OPCML: variants seen among roughly 807,000 people sequenced by gnomAD.
OPCML encodes the protein opioid binding protein/cell adhesion molecule like.
A neutral mutation model predicts 37.8 loss-of-function variants in OPCML; 13 were observed. The ratio of observed to expected loss-of-function variants is 0.34; its 90% CI spans 0.22 to 0.55. The LOEUF (loss-of-function observed/expected upper bound fraction) is 0.55, where lower values mean the gene tolerates loss of function less well. Ranked by LOEUF, OPCML falls within the 20% of genes least tolerant of loss-of-function variation. OPCML has a pLI of 0.91. For missense variants in OPCML, 341 were observed against 435.6 expected (o/e 0.78, Z 1.93); for synonymous variants, 176 against 168.8 (o/e 1.04, Z -0.33).
chr11:133,473,167 T>C (rs542106436), intron 1 of OPCML, among the ~76,000 whole-genome samples: 1 of 152,012 alleles, frequency 6.6e-6, no homozygotes, highest in South Asian at 2.1e-4. Flanking sequence ...AACTTGACTT[T>C]GACCTCCCCC....
intron 1 of OPCML, among the ~76,000 whole-genome samples, chr11:133,447,679 T>A (rs1027766015): frequency 6.6e-6 from 1 of 152,240 alleles, no homozygotes; most frequent in South Asian, 2.1e-4. Context: ...GCTGCATCCA[T>A]GTTGCTGCAA....
At chr11:133,010,238 G>A (rs1947190500) in intron 1 of OPCML, among the ~76,000 whole-genome samples, 1 of 152,150 alleles carries the variant, frequency 6.6e-6, no homozygotes, top group African/African-American at 2.4e-5. Flanking sequence ...TGCTCTTGCT[G>A]TGGCAATCTA....
At chr11:132,448,219 T>C (rs1302904049) in intron 4 of OPCML, among the ~76,000 whole-genome samples, 6 of 152,252 alleles carry the variant, frequency 3.9e-5, no homozygotes, top group African/African-American at 1.4e-4. Flanking sequence ...TCTCTTTCTT[T>C]CCTTTTATTT....
intron 1 of OPCML, among the ~76,000 whole-genome samples, chr11:132,955,793 A>G (rs1034087838): frequency 6.6e-6 from 1 of 152,082 alleles, no homozygotes; most frequent in Non-Finnish European, 1.5e-5. Flanking sequence ...AAGGCAGGAG[A>G]ATCGCTTGAA....
At chr11:132,793,110 C>T (rs544025054) in intron 2 of OPCML, among the ~76,000 whole-genome samples, 6 of 152,168 alleles carry the variant, frequency 3.9e-5, no homozygotes, top group African/African-American at 1.4e-4. Flanking sequence ...TCCTCCTAGA[C>T]AGATGGGCCC....
chr11:132,861,267 G>A (rs1001625075), intron 2 of OPCML, among the ~76,000 whole-genome samples: 1 of 152,202 alleles, frequency 6.6e-6, no homozygotes, highest in African/African-American at 2.4e-5. Flanking sequence ...CTTTAGAAGG[G>A]CTAGGCGCTT....
At chr11:133,391,110 G>A (rs934409017) in intron 1 of OPCML, among the ~76,000 whole-genome samples, 1 of 152,214 alleles carries the variant, frequency 6.6e-6, no homozygotes, top group Admixed American at 6.5e-5. Context: ...GGGAAAGAAA[G>A]GTCAAGCTGC....
intron 1 of OPCML, among the ~76,000 whole-genome samples, chr11:133,139,462 A>T (rs760439843): frequency 6.6e-6 from 1 of 152,224 alleles, no homozygotes; most frequent in Non-Finnish European, 1.5e-5. Flanking sequence ...AAGTGGTGAA[A>T]CTGGAATTTG....
Position 132,712,689 on chromosome 11 carries a change from G to A in OPCML, c.147-55370C>T, listed in dbSNP as rs536488108. 1.7e-4 allele frequency among the ~76,000 whole-genome samples: 26 copies of A among 152,266 alleles called. No homozygotes were observed. In the South Asian group the frequency reaches 5.2e-3, roughly 30 times the overall value. On this transcript the variant is annotated intron_variant, in intron 2 of 7. Coordinates refer to ENST00000524381, the MANE Select transcript of OPCML (RefSeq NM_001012393.5). ...GCGTGGCCTTCCAATTCATCTCTGAGCTGCCGCTTCCCACTCAGCATGAAA... is the reference window on the plus strand; with the variant it reads ...GCGTGGCCTTCCAATTCATCTCTGAACTGCCGCTTCCCACTCAGCATGAAA...
At chr11:133,339,634 G>A (rs897830551) in intron 1 of OPCML, among the ~76,000 whole-genome samples, 8 of 152,068 alleles carry the variant, frequency 5.3e-5, no homozygotes, top group South Asian at 2.1e-4. Flanking sequence ...CTCAAAAGCC[G>A]GCTGAAGTCC....
At chr11:132,681,846 T>C (rs762414790) in intron 2 of OPCML, among the ~76,000 whole-genome samples, 2 of 151,726 alleles carry the variant, frequency 1.3e-5, no homozygotes, top group Non-Finnish European at 2.9e-5. Context: ...TCCCAGCTAC[T>C]CAGGAGGCTG....
At chr11:132,793,226 G>A (rs1045310449) in intron 2 of OPCML, among the ~76,000 whole-genome samples, 1 of 152,136 alleles carries the variant, frequency 6.6e-6, no homozygotes, top group Non-Finnish European at 1.5e-5. Flanking sequence ...CCCAGTAGAT[G>A]AGCCTGTGGT....
At chr11:132,526,289 C>T (rs968446191) in intron 4 of OPCML, among the ~76,000 whole-genome samples, 21 of 151,932 alleles carry the variant, frequency 1.4e-4, no homozygotes, top group Non-Finnish European at 4.4e-5. Context: ...TTTGATTTTA[C>T]CAAATATATA....
intron 1 of OPCML, among the ~76,000 whole-genome samples, chr11:133,054,811 C>T (rs1591956248): frequency 2.6e-5 from 4 of 152,198 alleles, no homozygotes; most frequent in African/African-American, 9.6e-5. Flanking sequence ...AATGCTGCCT[C>T]CATGATACTT....
intron 1 of OPCML, among the ~76,000 whole-genome samples, chr11:132,999,577 G>GAA (rs1555072797): frequency 2.0e-5 from 3 of 146,584 alleles, no homozygotes; most frequent in African/African-American, 8.1e-5. Context: ...GTCGGGGGGG[G>GAA]AATGCCACCG....
intron 1 of OPCML, among the ~76,000 whole-genome samples, chr11:133,414,633 C>A (rs1293069411): frequency 6.6e-6 from 1 of 152,184 alleles, no homozygotes; most frequent in African/African-American, 2.4e-5. Flanking sequence ...TCCATCTAAT[C>A]CCGCAGGCTT....
At chr11:133,432,149 G>C (rs999844732) in intron 1 of OPCML, among the ~76,000 whole-genome samples, 1 of 152,032 alleles carries the variant, frequency 6.6e-6, no homozygotes, top group Admixed American at 6.6e-5. Flanking sequence ...AAGGTACTAT[G>C]CTCATTACCT....
At chr11:133,314,006 C>A (rs551698230) in intron 1 of OPCML, among the ~76,000 whole-genome samples, 4 of 151,800 alleles carry the variant, frequency 2.6e-5, no homozygotes, top group Non-Finnish European at 5.9e-5. Context: ...GAGGCCGAGG[C>A]GGGCGGATCA....
At chr11:133,049,390 C>T (rs749726403) in intron 1 of OPCML, among the ~76,000 whole-genome samples, 3 of 152,022 alleles carry the variant, frequency 2.0e-5, no homozygotes, top group Non-Finnish European at 4.4e-5. Context: ...TGGAGTGAGC[C>T]CTGGACTTGG....
Sources: allele counts gnomAD v4.1 joint callset (sites outside exome capture counted in the v4.1 genomes callset), GRCh38; gene constraint gnomAD v4.1.1; transcripts MANE v1.5; gene names NCBI Gene and HGNC (gene_info 2026-07-23, HGNC 2026-07-21).